Variants in PARVB observed in about 807,000 individuals in gnomAD.
PARVB encodes parvin beta, also known as beta-parvin.
In PARVB, 46 loss-of-function variants were observed where a neutral mutation model predicts 47.0. The ratio of observed to expected loss-of-function variants is 0.98; its 90% CI spans 0.77 to 1.25. PARVB has a LOEUF of 1.25. Ranked by LOEUF, PARVB falls within the 50% of genes most tolerant of loss-of-function variation. The probability of loss-of-function intolerance (pLI) is 0.00; values close to 1 mark genes in which losing one functional copy is unlikely to be tolerated. For missense variants in PARVB, 473 were observed against 471.6 expected (o/e 1.00, Z -0.03); for synonymous variants, 196 against 196.3 (o/e 1.00, Z 0.01).
chr22:44,028,426 T>G lies in PARVB; in HGVS notation c.112+3975T>G, dbSNP rs568951839. ...TGTACAGTAGCGTTTTCAGATTGGC[T>G]TCTTCCACTCAATGATATACATTGA... On this transcript the variant is annotated intron_variant, in intron 1 of 12. Coordinates refer to ENST00000338758, the MANE Select transcript of PARVB (RefSeq NM_013327.5). 2.6e-5 allele frequency among the ~76,000 whole-genome samples: 4 copies of G among 152,328 alleles called. No homozygotes were observed. The East Asian group carries it at 5.8e-4, about 22-fold the overall frequency.
At chr22:44,066,804 C>CCTCCTTCTCCTCCTCCTT (rs745683370) in intron 1 of PARVB, among the ~76,000 whole-genome samples, 2 of 131,086 alleles carry the variant, frequency 1.5e-5, no homozygotes, top group African/African-American at 3.0e-5. Flanking sequence ...TCCTCCTCCT[C>CCTCCTTCTCCTCCTCCTT]CTCCTCCTCC....
intron 1 of PARVB, among the ~76,000 whole-genome samples, chr22:44,093,520 G>A (rs996651329): frequency 5.9e-5 from 9 of 152,184 alleles, no homozygotes; most frequent in Non-Finnish European, 1.0e-4. Flanking sequence ...TCTTGAGTCC[G>A]TGGTTCAGGA....
chr22:44,111,212 T>C (rs1308308792), intron 3 of PARVB: 2 of 152,094 alleles, frequency 1.3e-5, no homozygotes, highest in Non-Finnish European at 1.5e-5. Flanking sequence ...CCGGGTCATA[T>C]AGTGTGCACA....
chr22:44,039,727 C>T, intron 1 of PARVB: 1 of 386,394 alleles, frequency 2.6e-6, no homozygotes. Context: ...GAACAAGGTG[C>T]CGGTACAGGA....
chr22:44,110,296 T>A (rs1382582194), intron 3 of PARVB: 2 of 152,070 alleles, frequency 1.3e-5, no homozygotes, highest in Non-Finnish European at 2.9e-5. Context: ...GAAAATGAGA[T>A]CGCGTGGCCT....
intron 3 of PARVB, 70 bp from the exon 4 acceptor site, chr22:44,118,968 C>T (rs1024346275): frequency 1.7e-5 from 18 of 1,075,038 alleles, no homozygotes; most frequent in Non-Finnish European, 2.2e-5. Flanking sequence ...TGTTTCTGCA[C>T]TTTCCCTGGT....
At chr22:44,054,808 G>A (rs556077515) in intron 1 of PARVB, among the ~76,000 whole-genome samples, 2 of 151,866 alleles carry the variant, frequency 1.3e-5, no homozygotes, top group East Asian at 3.9e-4. Context: ...TGGCCAACAT[G>A]GTGAAACTCC....
In PARVB at chr22:44,090,925, ACT is replaced by A. The variant is rs1303647672; in HGVS notation, c.113-2998_113-2997del. Among the ~76,000 whole-genome samples, 9 of 151,996 alleles carry A rather than the reference ACT, an allele frequency of 5.9e-5. No homozygotes were observed. In the East Asian group the frequency reaches 1.5e-3, roughly 26 times the overall value. On this transcript the variant is annotated intron_variant, in intron 1 of 12. Transcript: ENST00000338758. ...CCCTGTTTCCTTTCTGCCTTTTAAG[ACT>A]CTCTGCTGGTTACAACTCTCTTTGT...
intron 3 of PARVB, among the ~76,000 whole-genome samples, chr22:44,118,357 C>T (rs1485041873): frequency 6.6e-6 from 1 of 152,160 alleles, no homozygotes; most frequent in African/African-American, 2.4e-5. Context: ...AAGCCAAATC[C>T]GTGGAGAGGG....
At chr22:44,023,815 G>A (rs2050684506), upstream of PARVB, among the ~76,000 whole-genome samples, 1 of 152,194 alleles carries the variant, frequency 6.6e-6, no homozygotes, top group Non-Finnish European at 1.5e-5. Context: ...TCCCCTTGGA[G>A]GTCAGGCCAA....
At chr22:44,105,592 C>G (rs1206727237) in intron 3 of PARVB, 2 of 152,236 alleles carry the variant, frequency 1.3e-5, no homozygotes, top group Non-Finnish European at 2.9e-5. Context: ...TCTTTCTCCT[C>G]CCCTAGAATG....
At chr22:44,066,419 C>T (rs576685586) in intron 1 of PARVB, among the ~76,000 whole-genome samples, 3 of 152,310 alleles carry the variant, frequency 2.0e-5, no homozygotes, top group African/African-American at 7.2e-5. Flanking sequence ...TTGTAACTTA[C>T]GTTTGGCTCA....
chr22:44,030,285 T>C (rs1410651269), intron 1 of PARVB, among the ~76,000 whole-genome samples: 1 of 152,028 alleles, frequency 6.6e-6, no homozygotes, highest in Non-Finnish European at 1.5e-5. Flanking sequence ...GCCATGGGGG[T>C]CTCACCACCC....
intron 4 of PARVB, among the ~76,000 whole-genome samples, chr22:44,128,610 T>C (rs1280401543): frequency 2.0e-5 from 3 of 152,206 alleles, no homozygotes; most frequent in Non-Finnish European, 4.4e-5. Flanking sequence ...AAGTCCTACA[T>C]GCAGGGCCCA....
At chr22:44,077,996 C>G (rs949245486) in intron 1 of PARVB, among the ~76,000 whole-genome samples, 1 of 152,168 alleles carries the variant, frequency 6.6e-6, no homozygotes, top group African/African-American at 2.4e-5. Flanking sequence ...TTACTCTTTA[C>G]AGCTAGGGAA....
chr22:44,129,415 G>A (rs897215921), intron 4 of PARVB, among the ~76,000 whole-genome samples: 22 of 152,300 alleles, frequency 1.4e-4, no homozygotes, highest in African/African-American at 3.6e-4. Flanking sequence ...CTCCTCTGCC[G>A]ACTCCTCTTC....
intron 6 of PARVB, among the ~76,000 whole-genome samples, chr22:44,134,308 ATTCC>A (rs2053394495): frequency 1.3e-5 from 2 of 152,240 alleles, no homozygotes; most frequent in South Asian, 2.1e-4. Context: ...CTGGGGGGCC[ATTCC>A]TATGGCCCCG....
intron 4 of PARVB, among the ~76,000 whole-genome samples, chr22:44,122,556 CAGAGACAG>C (rs1569134559): frequency 8.7e-5 from 4 of 46,080 alleles, no homozygotes; most frequent in Non-Finnish European, 1.7e-4. Context: ...GAGAGAGACA[CAGAGACAG>C]AGAGAGAGAG....
intron 4 of PARVB, among the ~76,000 whole-genome samples, chr22:44,130,264 C>T (rs546063176): frequency 9.1e-4 from 139 of 152,186 alleles, no homozygotes; most frequent in Non-Finnish European, 1.6e-3. Context: ...TGCTCTGTGA[C>T]GTCGCTTTTG....
Sources: gnomAD v4.1 joint callset for allele counts (sites outside exome capture counted in the v4.1 genomes callset) on GRCh38, gnomAD v4.1.1 for gene constraint, MANE v1.5 for transcripts, NCBI Gene and HGNC (gene_info 2026-07-23, HGNC 2026-07-21) for gene names.